Variants in CEP72 observed in about 807,000 individuals in gnomAD.
The protein encoded by CEP72 is centrosomal protein of 72 kDa.
CEP72 carries 78 observed loss-of-function variants against 65.7 expected under a neutral mutation model. That is an observed-to-expected ratio of 1.19 (90% confidence interval 0.99 to 1.43). The LOEUF (loss-of-function observed/expected upper bound fraction) is 1.43. CEP72 is among the 40% of genes most tolerant of loss of function. The pLI is 0.00. For missense variants in CEP72, 914 were observed against 832.9 expected (o/e 1.10, Z -1.20); for synonymous variants, 358 against 351.7 (o/e 1.02, Z -0.20).
chr5:620,325 G>A (rs936939240), intron 3 of CEP72, 64 bp downstream of exon 3: 26 of 1,386,286 alleles, frequency 1.9e-5, no homozygotes, highest in African/African-American at 1.1e-4. Context: ...TCGGGGAGTC[G>A]TAGTGGGTGT....
chr5:653,297 G>C lies in CEP72; in HGVS notation c.*144G>C. On this transcript the variant is annotated 3_prime_UTR_variant, in exon 12 of 12. Coordinates refer to ENST00000264935, the MANE Select transcript of CEP72 (RefSeq NM_018140.4). ...ATTTAGGATTTTTGGAATGTATTCA[G>C]GACCTGTAGCTTGGTTTTCTAAAGC... The C allele has an allele frequency of 1.3e-6, 1 of 797,160 alleles. No homozygotes were observed. Among genetic ancestry groups the C allele is most frequent in the Non-Finnish European group, 1.8e-6 (1 of 542,808 alleles). The allele number at this position is 797,160 out of a possible 1,614,324, so 49.4% of individuals were successfully genotyped here. A position where few individuals can be genotyped will look rare whatever the true frequency, so the allele number is the denominator to read the frequency against.
chr5:669,616 GAC>G (rs780011439), downstream of CEP72, among the ~76,000 whole-genome samples: 235 of 152,274 alleles, frequency 1.5e-3, 2 homozygotes, highest in Middle Eastern at 3.4e-3. Context: ...AGCCCTTTCT[GAC>G]GGCCTCGGAG....
intron 11 of CEP72, among the ~76,000 whole-genome samples, chr5:650,487 TG>T (rs767014284): frequency 1.5e-4 from 8 of 51,786 alleles, no homozygotes; most frequent in Non-Finnish European, 2.1e-4. Context: ...CTGTGAGGTG[TG>T]GACTGTGAGG....
intron 9 of CEP72, chr5:641,077 G>C (rs932590670): frequency 1.0e-6 from 1 of 985,290 alleles, no homozygotes; most frequent in Non-Finnish European, 1.2e-6. Flanking sequence ...CTGTGTATTG[G>C]GCCTCAGGCT....
At chr5:669,280 CCCGG>C (rs1740096531), downstream of CEP72, among the ~76,000 whole-genome samples, 1 of 74,606 alleles carries the variant, frequency 1.3e-5, no homozygotes, top group Admixed American at 1.3e-4. Context: ...CGCTGGTGAG[CCCGG>C]TGAGCCGGAG....
In CEP72 at chr5:635,522, A is replaced by G. The variant is rs1220901971; in HGVS notation, c.842A>G (p.Tyr281Cys). ...CTCTGTGGAGAGCTTCCGCCACTGTACGGAGCGGAGCCAGAGGCCTCCCGT... is the reference window on the plus strand; with the variant it reads ...CTCTGTGGAGAGCTTCCGCCACTGTGCGGAGCGGAGCCAGAGGCCTCCCGT... Reference protein sequence around the residue: ...SQLCGELPPLYGAEPEASRAP... With the variant: ...SQLCGELPPLCGAEPEASRAP... The change falls in exon 6 of 12, where the codon TAC becomes TGC. Residue 281 changes from tyrosine to cysteine, a missense_variant. Tyr to Cys is a radical substitution (Grantham distance 194). Coordinates refer to ENST00000264935, the MANE Select transcript of CEP72 (RefSeq NM_018140.4). The G allele has an allele frequency of 6.2e-7, 1 of 1,613,956 alleles. No homozygotes were observed. Among genetic ancestry groups the G allele is most frequent in the Non-Finnish European group, 8.5e-7 (1 of 1,180,018 alleles).
At chr5:670,292 G>A (rs1247632296), downstream of CEP72, among the ~76,000 whole-genome samples, 2 of 152,182 alleles carry the variant, frequency 1.3e-5, no homozygotes, top group African/African-American at 4.8e-5. Context: ...TGAGGGGCGG[G>A]GGCCGGCGGG....
chr5:660,283 C>T (rs1027583562), downstream of CEP72: 15 of 151,934 alleles, frequency 9.9e-5, no homozygotes, highest in Admixed American at 3.3e-4. Flanking sequence ...GTTACACGAT[C>T]CCTTTCAAGT....
At chr5:646,398 A>C (rs1738427249) in intron 10 of CEP72, among the ~76,000 whole-genome samples, 1 of 152,134 alleles carries the variant, frequency 6.6e-6, no homozygotes, top group Admixed American at 6.5e-5. Context: ...ATTTGGCTTC[A>C]ATACTTTCTG....
intron 9 of CEP72, chr5:642,040 G>A (rs938497659): frequency 1.0e-6 from 1 of 980,056 alleles, no homozygotes; most frequent in Non-Finnish European, 1.2e-6. Flanking sequence ...AAACACACGT[G>A]GTCCCCCGTC....
At chr5:620,375 G>A (rs759467330) in intron 3 of CEP72, 114 bp downstream of exon 3, 52 of 930,128 alleles carry the variant, frequency 5.6e-5, no homozygotes, top group East Asian at 7.6e-5. Flanking sequence ...CTTCTGGAAC[G>A]GGGAGTTGGT....
chr5:651,223 CTG>C lies in CEP72; in HGVS notation c.1779-1762_1779-1761del, dbSNP rs545859827. On this transcript the variant is annotated intron_variant, in intron 11 of 11. Coordinates refer to ENST00000264935, the MANE Select transcript of CEP72 (RefSeq NM_018140.4). ...GTGAGGTGTGACTGTGAGGCGTGGA[CTG>C]TGAGGTGTGACTGAGGCGTGGACTG... Among the ~76,000 whole-genome samples, 12 of 75,518 alleles carry C rather than the reference CTG, an allele frequency of 1.6e-4. 1 individual carries two copies. Among genetic ancestry groups the C allele is most frequent in the African/African-American group, 6.1e-4 (11 of 18,132 alleles). The allele number at this position is 75,518 out of a possible 152,430, so 49.5% of individuals were successfully genotyped here. A position where few individuals can be genotyped will look rare whatever the true frequency, so the allele number is the denominator to read the frequency against.
At chr5:643,191 G>A (rs1310402393) in intron 9 of CEP72, 11 of 984,798 alleles carry the variant, frequency 1.1e-5, no homozygotes, top group Non-Finnish European at 1.3e-5. Flanking sequence ...TGCGACAGAG[G>A]GAGACTTTGC....
Position 644,372 on chromosome 5 carries a change from A to G in CEP72, c.1613A>G (p.Lys538Arg), listed in dbSNP as rs746154115. ...SRLKSLLLSM[K>R]KEVKSADTAA... The stretch of plus-strand genomic sequence containing the variant: ...TTAAAATCGCTTTTGTTGAGTATGA[A>G]AAAGGAAGTGAAGAGTGCAGACACT... The change falls in exon 10 of 12, where the codon AAA (lysine) becomes AGA (arginine). Residue 538 changes from lysine to arginine, a missense_variant. Physicochemically the swap from Lys to Arg is conservative, Grantham distance 26. Coordinates refer to ENST00000264935, the MANE Select transcript of CEP72 (RefSeq NM_018140.4). The G allele has an allele frequency of 7.4e-6, 12 of 1,613,972 alleles. No individual in the cohort carries two copies. In the South Asian group the frequency reaches 1.1e-4, roughly 15 times the overall value.
intron 3 of CEP72, among the ~76,000 whole-genome samples, 172 bp downstream of exon 3, chr5:620,433 C>G (rs1461942562): frequency 6.6e-6 from 1 of 152,166 alleles, no homozygotes; most frequent in Admixed American, 6.5e-5. Flanking sequence ...GCTCGAGAGG[C>G]CCTGTGTCTG....
rs369296828 is a variant in CEP72, at chr5:637,780, G to A, written c.1168G>A (p.Glu390Lys). The change falls in exon 7 of 12, where the codon GAG becomes AAG. Residue 390 changes from glutamate (E) to lysine (K), a missense_variant. Transcript: ENST00000264935. The part of the protein sequence containing the change: ...TLSQPEASET[E>K]EQRSRGVTDT... ...GTCTCAGCCTGAGGCCTCGGAGACTGAGGAGCAGAGGTCTCGGGGTGTGAC... is the reference window on the plus strand; with the variant it reads ...GTCTCAGCCTGAGGCCTCGGAGACTAAGGAGCAGAGGTCTCGGGGTGTGAC... The A allele has an allele frequency of 1.3e-6, 2 of 1,599,418 alleles. No homozygotes were observed. Among genetic ancestry groups the A allele is most frequent in the Non-Finnish European group, 1.7e-6 (2 of 1,171,540 alleles).
At chr5:670,841 A>G (rs80352420), downstream of CEP72, among the ~76,000 whole-genome samples, 30 of 152,278 alleles carry the variant, frequency 2.0e-4, no homozygotes, top group East Asian at 3.5e-3. Flanking sequence ...TTCTCCCCTC[A>G]TAAGTGACTC....
intron 1 of CEP72, chr5:662,474 G>C (rs1216029973): frequency 6.6e-6 from 1 of 152,444 alleles, no homozygotes; most frequent in Admixed American, 6.5e-5. Flanking sequence ...GCGAGCCTCT[G>C]TGCCTGCCGT....
At chr5:650,527 TG>T (rs1738951478) in intron 11 of CEP72, among the ~76,000 whole-genome samples, 1 of 61,094 alleles carries the variant, frequency 1.6e-5, no homozygotes. Context: ...CTGTGAGGCG[TG>T]GACTGTGAGG....
Sources: gnomAD v4.1 joint callset for allele counts (sites outside exome capture counted in the v4.1 genomes callset) on GRCh38, gnomAD v4.1.1 for gene constraint, MANE v1.5 for transcripts, NCBI Gene and HGNC (gene_info 2026-07-23, HGNC 2026-07-21) for gene names.